Variants in VRK2 observed in about 807,000 individuals in gnomAD.
VRK2 encodes VRK serine/threonine kinase 2.
In VRK2, 60 loss-of-function variants were observed where a neutral mutation model predicts 57.6. The observed-to-expected ratio is 1.04, with a 90% CI of 0.85 to 1.29. The LOEUF is 1.29. VRK2 is among the 50% of genes most tolerant of loss of function. VRK2 has a pLI of 0.00. For synonymous variants in VRK2, 231 were observed against 199.2 expected (o/e 1.16, Z -1.35); for missense variants, 705 against 588.1 (o/e 1.20, Z -2.06).
At chr2:57,970,446 T>C (rs1485139283) in intron 1 of VRK2, among the ~76,000 whole-genome samples, 1 of 151,422 alleles carries the variant, frequency 6.6e-6, no homozygotes, top group Non-Finnish European at 1.5e-5. Flanking sequence ...GGATTTTTTT[T>C]ATCTTCATGA....
chr2:57,932,502 G>A (rs1362056805), intron 1 of VRK2, among the ~76,000 whole-genome samples: 1 of 152,040 alleles, frequency 6.6e-6, no homozygotes, highest in Non-Finnish European at 1.5e-5. Context: ...ATGCGAAGGA[G>A]TTTCTTATGA....
At chr2:58,137,728 A>C (rs892149597) in intron 10 of VRK2, among the ~76,000 whole-genome samples, 1 of 152,164 alleles carries the variant, frequency 6.6e-6, no homozygotes, top group East Asian at 1.9e-4. Flanking sequence ...AAAAGTTTCT[A>C]TCTCTTGATA....
chr2:58,027,497 T>C (rs1673965735), intron 2 of VRK2, among the ~76,000 whole-genome samples: 1 of 152,088 alleles, frequency 6.6e-6, no homozygotes, highest in African/African-American at 2.4e-5. Context: ...AACAAATATA[T>C]GATTTTGTTG....
At chr2:57,952,128 A>T (rs759634922) in intron 1 of VRK2, among the ~76,000 whole-genome samples, 2 of 151,716 alleles carry the variant, frequency 1.3e-5, no homozygotes, top group Middle Eastern at 3.4e-3. Flanking sequence ...AGAGAGAGAG[A>T]TAGAGATAGA....
chr2:57,959,582 T>C (rs1453205850), intron 1 of VRK2, among the ~76,000 whole-genome samples: 1 of 152,156 alleles, frequency 6.6e-6, no homozygotes, highest in East Asian at 1.9e-4. Flanking sequence ...AGGTCAGGCA[T>C]CGGATCGATA....
intron 2 of VRK2, among the ~76,000 whole-genome samples, chr2:58,054,353 A>T (rs1676197477): frequency 6.6e-6 from 1 of 151,160 alleles, no homozygotes; most frequent in Admixed American, 6.6e-5. Flanking sequence ...CTTCCACTGG[A>T]CCTGTTACTA....
chr2:58,142,753 C>A (rs1573373911), intron 11 of VRK2, among the ~76,000 whole-genome samples: 1 of 151,858 alleles, frequency 6.6e-6, no homozygotes, highest in South Asian at 2.1e-4. Context: ...AACAGCGTTA[C>A]TAAAGGCCCC....
chr2:58,133,067 ATAAAG>A (rs1443484922), intron 9 of VRK2, among the ~76,000 whole-genome samples: 1 of 151,836 alleles, frequency 6.6e-6, no homozygotes, highest in Non-Finnish European at 1.5e-5. Context: ...GAATACTGTA[ATAAAG>A]TAATGATGCT....
At chr2:57,941,778 C>T (rs1041167436) in intron 1 of VRK2, among the ~76,000 whole-genome samples, 1 of 152,148 alleles carries the variant, frequency 6.6e-6, no homozygotes, top group African/African-American at 2.4e-5. Context: ...GCATAGGCTG[C>T]CATAGACAAT....
At chr2:57,996,706 AT>A (rs1189185225) in intron 1 of VRK2, among the ~76,000 whole-genome samples, 1 of 152,078 alleles carries the variant, frequency 6.6e-6, no homozygotes, top group Non-Finnish European at 1.5e-5. Context: ...TTATTATACT[AT>A]TTTTTATTAT....
chr2:58,136,795 ATATAT>A (rs1250525129), intron 10 of VRK2, among the ~76,000 whole-genome samples: 12 of 146,020 alleles, frequency 8.2e-5, no homozygotes, highest in African/African-American at 2.8e-4. Flanking sequence ...TATATATATC[ATATAT>A]ATGTGTATAT....
At chr2:58,125,449 T>C (rs544367527) in intron 8 of VRK2, among the ~76,000 whole-genome samples, 157 of 152,180 alleles carry the variant, frequency 1.0e-3, no homozygotes, top group African/African-American at 3.5e-3. Context: ...TTCACCACCC[T>C]CGGTCTTTGG....
chr2:58,040,948 C>G lies in VRK2; in HGVS notation c.-6+7395C>G, dbSNP rs1325849653. On this transcript the variant is annotated intron_variant, in intron 3 of 15. Coordinates refer to the VRK2 transcript ENST00000417641. ...CACACAGGAAAACTATTTCTTACTT[C>G]TCCTCTGAAGGTGTCAACTCTATTC... 3.9e-6 allele frequency: 3 copies of G among 774,048 alleles called. No homozygotes were observed. In the African/African-American group the frequency reaches 5.7e-5, roughly 15 times the overall value. 47.9% of individuals were successfully genotyped at this position (774,048 alleles called of 1,614,324 possible). A position where few individuals can be genotyped will look rare whatever the true frequency, so the allele number is the denominator to read the frequency against.
intron 5 of VRK2, 125 bp downstream of exon 5, chr2:58,086,551 C>A: frequency 1.3e-6 from 1 of 760,866 alleles, no homozygotes; most frequent in East Asian, 3.1e-5. Flanking sequence ...CTTGTATTGT[C>A]TTAGTTTCTG....
At chr2:58,043,757 T>A (rs1173795770), upstream of VRK2, among the ~76,000 whole-genome samples, 1 of 152,256 alleles carries the variant, frequency 6.6e-6, no homozygotes, top group Non-Finnish European at 1.5e-5. Context: ...AATATGCGAA[T>A]GCTGGGTTGT....
rs559268938 is a variant in VRK2, at chr2:57,986,853, C to T, written c.-438-38812C>T. On this transcript the variant is annotated intron_variant, in intron 1 of 15. Coordinates refer to the VRK2 transcript ENST00000417641. ...ACCTGAAGTGATCTGCCTGCCTTGG[C>T]CTCCCAAAGTGCTGGGATTACAGGC... Among the ~76,000 whole-genome samples, 4 of 152,232 alleles carry T rather than the reference C, an allele frequency of 2.6e-5. No individual in the cohort carries two copies. In the South Asian group the frequency reaches 6.2e-4, roughly 24 times the overall value.
chr2:58,120,184 C>CTTTTTTTT lies in VRK2; in HGVS notation c.544-2900_544-2893dup, dbSNP rs397868874. ...CTTTTTGTCTATTTTTTTTTCTTTT[C>CTTTTTTTT]TTTTTTTTTTTTTTTTTTTTTTTTG... is the stretch of plus-strand genomic sequence containing the variant. On this transcript the variant is annotated intron_variant, in intron 7 of 12. Coordinates refer to ENST00000340157, the MANE Select transcript of VRK2 (RefSeq NM_006296.7). Among the ~76,000 whole-genome samples the CTTTTTTTT allele has an allele frequency of 3.1e-3, 163 of 51,958 alleles. 23 individuals carry two copies. Among genetic ancestry groups the CTTTTTTTT allele is most frequent in the African/African-American group, 0.015 (141 of 9,622 alleles). 34.1% of individuals were successfully genotyped at this position (51,958 alleles called of 152,430 possible). A position where few individuals can be genotyped will look rare whatever the true frequency, so the allele number is the denominator to read the frequency against.
chr2:58,076,915 A>G (rs536205360), intron 2 of VRK2, among the ~76,000 whole-genome samples: 6 of 152,108 alleles, frequency 3.9e-5, no homozygotes, highest in Non-Finnish European at 5.9e-5. Flanking sequence ...TCTCTACTCG[A>G]CTGCCCTAAA....
intron 7 of VRK2, among the ~76,000 whole-genome samples, chr2:58,114,436 T>G (rs1439255889): frequency 2.0e-5 from 3 of 147,902 alleles, no homozygotes; most frequent in Non-Finnish European, 3.0e-5. Flanking sequence ...CAAGTTTTTT[T>G]GGGGCACAGT....
Sources: allele counts gnomAD v4.1 joint callset (sites outside exome capture counted in the v4.1 genomes callset), GRCh38; gene constraint gnomAD v4.1.1; transcripts MANE v1.5; gene names NCBI Gene and HGNC (gene_info 2026-07-23, HGNC 2026-07-21).